EYS: variants seen among roughly 807,000 people sequenced by gnomAD.
The protein encoded by EYS is EGF-like photoreceptor maintenance factor.
In EYS, 250 loss-of-function variants were observed where a neutral mutation model predicts 282.1. The observed-to-expected ratio is 0.89, with a 90% CI of 0.80 to 0.98. The LOEUF (loss-of-function observed/expected upper bound fraction) is 0.98, where lower values mean the gene tolerates loss of function less well. EYS is among the 50% of genes least tolerant of loss of function. The pLI is 0.00. For missense variants in EYS, 4,016 were observed against 3,709.0 expected (o/e 1.08, Z -2.15); for synonymous variants, 1,355 against 1,282.9 (o/e 1.06, Z -1.20).
intron 30 of EYS, among the ~76,000 whole-genome samples, chr6:64,248,128 A>G (rs2150347003): frequency 6.6e-6 from 1 of 152,124 alleles, no homozygotes; most frequent in Middle Eastern, 3.4e-3. Flanking sequence ...TTTAAAACCT[A>G]GAGGAATGAG....
chr6:64,395,811 A>G (rs1415424779), intron 28 of EYS, among the ~76,000 whole-genome samples: 3 of 152,042 alleles, frequency 2.0e-5, no homozygotes, highest in Non-Finnish European at 1.5e-5. Flanking sequence ...AAACAAAAAA[A>G]CAAAATAATA....
At chr6:64,550,429 C>T (rs900960280) in intron 26 of EYS, among the ~76,000 whole-genome samples, 13 of 152,220 alleles carry the variant, frequency 8.5e-5, no homozygotes, top group African/African-American at 3.1e-4. Context: ...GATCGCCATT[C>T]TAACTGATAT....
chr6:64,839,541 A>G (rs538455213), intron 19 of EYS, among the ~76,000 whole-genome samples: 1 of 152,160 alleles, frequency 6.6e-6, no homozygotes, highest in East Asian at 1.9e-4. Flanking sequence ...AATTTGTTTA[A>G]AAGTTTAGAC....
At position 64,590,697 on chromosome 6, in the gene EYS, C is replaced by T; in HGVS notation, c.5170G>A (p.Asp1724Asn). The change falls in exon 26 of 43, where the codon GAC (aspartate) becomes AAC (asparagine). Residue 1724 changes from aspartate to asparagine, a missense_variant. By Grantham distance (23) the Asp-to-Asn change is conservative (BLOSUM62 1). Coordinates refer to ENST00000503581, the MANE Select transcript of EYS (RefSeq NM_001142800.2). ...TEVLNQESLLDMEKSKGSHTL... is the reference protein window; with the variant it reads ...TEVLNQESLLNMEKSKGSHTL... Reference sequence around the variant, plus strand: ...TGAGATCCTTTACTTTTTTCCATGTCCAATAAGCTCTCTTGATTTAGTACC... The same window carrying T: ...TGAGATCCTTTACTTTTTTCCATGTTCAATAAGCTCTCTTGATTTAGTACC... 2 of 1,551,024 alleles carry T rather than the reference C, an allele frequency of 1.3e-6. No homozygotes were observed. The highest frequency in any genetic ancestry group is 1.7e-6 in the Non-Finnish European group (2 of 1,146,558).
intron 12 of EYS, among the ~76,000 whole-genome samples, chr6:65,087,242 C>G (rs1197374909): frequency 6.6e-6 from 1 of 151,924 alleles, no homozygotes; most frequent in Non-Finnish European, 1.5e-5. Flanking sequence ...TAACAGGTAT[C>G]ATATTTCTCC....
intron 30 of EYS, among the ~76,000 whole-genome samples, chr6:64,282,414 G>C (rs1582531262): frequency 6.6e-6 from 1 of 152,108 alleles, no homozygotes; most frequent in Non-Finnish European, 1.5e-5. Context: ...GCCCTATCAG[G>C]AGTGAAATAT....
chr6:65,565,822 A>T (rs1215573336), intron 2 of EYS, among the ~76,000 whole-genome samples: 1 of 152,108 alleles, frequency 6.6e-6, no homozygotes, highest in East Asian at 1.9e-4. Flanking sequence ...GCTGGAAACC[A>T]TCATTCTCAG....
chr6:65,565,020 C>T lies in EYS; in HGVS notation c.-332-69027G>A, dbSNP rs1276696039. On this transcript the variant is annotated intron_variant, in intron 2 of 42. Coordinates refer to ENST00000503581, the MANE Select transcript of EYS (RefSeq NM_001142800.2). The stretch of plus-strand genomic sequence containing the variant: ...CAGCACTTTGGGAGGCCGAGGCGGG[C>T]GGATCACGAGGTCAGGAGATCGAGA... Among the ~76,000 whole-genome samples the T allele has an allele frequency of 1.0e-3, 56 of 55,838 alleles. 25 individuals carry two copies. Among genetic ancestry groups the T allele is most frequent in the Middle Eastern group, 0.018 (2 of 114 alleles). 36.6% of individuals were successfully genotyped at this position (55,838 alleles called of 152,430 possible).
chr6:63,836,603 T>C (rs1251242232), intron 36 of EYS, among the ~76,000 whole-genome samples: 1 of 151,870 alleles, frequency 6.6e-6, no homozygotes, highest in African/African-American at 2.4e-5. Flanking sequence ...ATCAAATATA[T>C]CTATGTAAAA....
chr6:64,857,504 T>A (rs1164788862), intron 19 of EYS, among the ~76,000 whole-genome samples: 4 of 152,212 alleles, frequency 2.6e-5, no homozygotes, highest in African/African-American at 9.6e-5. Context: ...TTGATGAAAT[T>A]CATTCATGAA....
At position 63,789,061 on chromosome 6, in the gene EYS, CA is replaced by C; in HGVS notation, c.7574del (p.Leu2525ArgfsTer3). On this transcript the variant is annotated frameshift_variant, in exon 38 of 43. Coordinates refer to ENST00000503581, the MANE Select transcript of EYS (RefSeq NM_001142800.2). LOFTEE classifies it high-confidence loss of function. ...TGACGAAGGAATGACTCTTTACCTTCAGCCAGCCCTCTTGGAAGAACTTGCC... is the reference window on the plus strand; with the variant it reads ...TGACGAAGGAATGACTCTTTACCTTCGCCAGCCCTCTTGGAAGAACTTGCC... Reference protein sequence around the residue: ...HLGKFFQEGWLKVDDHKNKSI... With the variant: ...HLGKFFQEGWXKVDDHKNKSI... 3 of 1,551,318 alleles carry C rather than the reference CA, an allele frequency of 1.9e-6. No homozygotes were observed. Among genetic ancestry groups the C allele is most frequent in the Non-Finnish European group, 2.6e-6 (3 of 1,146,734 alleles).
intron 35 of EYS, among the ~76,000 whole-genome samples, chr6:63,867,313 C>A (rs1401265790): frequency 6.6e-6 from 1 of 152,012 alleles, no homozygotes; most frequent in Non-Finnish European, 1.5e-5. Flanking sequence ...TGGAATATAT[C>A]TTTTCATCCC....
intron 34 of EYS, among the ~76,000 whole-genome samples, chr6:63,990,717 G>C (rs1042410302): frequency 2.4e-4 from 37 of 151,766 alleles, no homozygotes; most frequent in East Asian, 7.8e-4. Flanking sequence ...AGTGTTAATG[G>C]CTTTTTGGGG....
chr6:65,547,686 A>C (rs2127328265), intron 2 of EYS, among the ~76,000 whole-genome samples: 1 of 152,300 alleles, frequency 6.6e-6, no homozygotes, highest in Non-Finnish European at 1.5e-5. Flanking sequence ...TTTATGTGCC[A>C]TTTGAACTTT....
chr6:63,903,674 C>T (rs1375561557), intron 35 of EYS, among the ~76,000 whole-genome samples: 1 of 152,128 alleles, frequency 6.6e-6, no homozygotes, highest in Non-Finnish European at 1.5e-5. Flanking sequence ...CTTTTCTACC[C>T]CTAGGATGTA....
chr6:64,926,499 A>G (rs1337458587), intron 15 of EYS, among the ~76,000 whole-genome samples: 56 of 152,112 alleles, frequency 3.7e-4, no homozygotes, highest in Non-Finnish European at 3.1e-4. Flanking sequence ...TGGGACAAGG[A>G]TCTCCGTTAT....
chr6:64,576,169 A>G (rs1200358520), intron 26 of EYS, among the ~76,000 whole-genome samples: 1 of 152,108 alleles, frequency 6.6e-6, no homozygotes, highest in Non-Finnish European at 1.5e-5. Context: ...TAGCATTTAC[A>G]TCATCCTTGA....
Position 65,339,665 on chromosome 6 carries a change from A to G in EYS, c.1599+4373T>C, listed in dbSNP as rs1770125702. 2.0e-5 allele frequency among the ~76,000 whole-genome samples: 3 copies of G among 151,140 alleles called. No individual in the cohort carries two copies. In the South Asian group the frequency reaches 6.2e-4, roughly 31 times the overall value. Reference sequence around the variant, plus strand: ...AGGGAAGACTGTTATACTTGATGTCACTGGAGAAGAGTTTGATCAATGAAA... The same window carrying G: ...AGGGAAGACTGTTATACTTGATGTCGCTGGAGAAGAGTTTGATCAATGAAA... On this transcript the variant is annotated intron_variant, in intron 10 of 42. Transcript: ENST00000503581.
intron 5 of EYS, among the ~76,000 whole-genome samples, chr6:65,450,440 G>C (rs1764358846): frequency 6.6e-6 from 1 of 152,170 alleles, no homozygotes; most frequent in Non-Finnish European, 1.5e-5. Flanking sequence ...TGTTGAGACA[G>C]AGTTTAATGT....
Sources: gnomAD v4.1 joint callset for allele counts (sites outside exome capture counted in the v4.1 genomes callset) on GRCh38, gnomAD v4.1.1 for gene constraint, MANE v1.5 for transcripts, NCBI Gene and HGNC (gene_info 2026-07-23, HGNC 2026-07-21) for gene names.